CDH2: variants seen among roughly 807,000 people sequenced by gnomAD.
The protein encoded by CDH2 is cadherin-2.
CDH2 carries 17 observed loss-of-function variants against 92.0 expected under a neutral mutation model. The ratio of observed to expected loss-of-function variants is 0.18; its 90% confidence interval spans 0.13 to 0.28. The LOEUF (loss-of-function observed/expected upper bound fraction) is 0.28, where lower values mean the gene tolerates loss of function less well. CDH2 is among the 10% of genes least tolerant of loss of function. The probability of loss-of-function intolerance (pLI) is 1.00; values close to 1 mark genes in which losing one functional copy is unlikely to be tolerated. For synonymous variants in CDH2, 419 were observed against 415.9 expected (o/e 1.01, Z -0.09); for missense variants, 862 against 1,133.1 (o/e 0.76, Z 3.44).
chr18:27,940,754 G>A (rs1909115819), intron 6 of CDH2, among the ~76,000 whole-genome samples: 1 of 152,116 alleles, frequency 6.6e-6, no homozygotes, highest in Admixed American at 6.5e-5. Flanking sequence ...AACAGTAAAA[G>A]ACAGTATCCT....
chr18:28,109,754 T>C (rs1313295804), intron 2 of CDH2, among the ~76,000 whole-genome samples: 1 of 152,196 alleles, frequency 6.6e-6, no homozygotes, highest in Non-Finnish European at 1.5e-5. Context: ...TTTTAAAAAT[T>C]CCACGTCCAG....
chr18:27,974,914 G>C (rs1171574372), intron 14 of CDH2, among the ~76,000 whole-genome samples: 1 of 152,132 alleles, frequency 6.6e-6, no homozygotes, highest in African/African-American at 2.4e-5. Context: ...AAGCTACACA[G>C]TTTATGAAAT....
At chr18:28,138,803 C>T (rs2015905814) in intron 2 of CDH2, among the ~76,000 whole-genome samples, 1 of 151,984 alleles carries the variant, frequency 6.6e-6, no homozygotes, top group Non-Finnish European at 1.5e-5. Context: ...TGTGTGACGC[C>T]AAAGTCACCA....
chr18:27,938,917 G>T (rs1397893172), intron 6 of CDH2, among the ~76,000 whole-genome samples: 8 of 152,160 alleles, frequency 5.3e-5, no homozygotes, highest in Admixed American at 4.6e-4. Flanking sequence ...GAATTCAAAT[G>T]TTCAAATGGT....
intron 2 of CDH2, among the ~76,000 whole-genome samples, chr18:28,056,241 C>T (rs555731865): frequency 2.0e-5 from 3 of 152,072 alleles, no homozygotes; most frequent in Non-Finnish European, 2.9e-5. Context: ...ACCAAGCTGG[C>T]TAAAATTAGA....
At chr18:27,963,911 A>G (rs1182358808) in intron 14 of CDH2, among the ~76,000 whole-genome samples, 2 of 152,098 alleles carry the variant, frequency 1.3e-5, no homozygotes, top group East Asian at 3.9e-4. Flanking sequence ...CCTTTTCCCT[A>G]AAGGAAGGCA....
intron 1 of CDH2, among the ~76,000 whole-genome samples, chr18:28,164,209 G>C (rs1346520150): frequency 6.6e-6 from 1 of 152,048 alleles, no homozygotes; most frequent in East Asian, 1.9e-4. Flanking sequence ...ATCAAACCTA[G>C]ATACACAGGC....
At chr18:28,147,611 A>G (rs2016055791) in intron 2 of CDH2, 62 bp downstream of exon 2, 2 of 1,025,298 alleles carry the variant, frequency 2.0e-6, no homozygotes, top group East Asian at 2.4e-5. Flanking sequence ...GGCTTTTTTA[A>G]TGGCTAATTT....
intron 4 of CDH2, among the ~76,000 whole-genome samples, chr18:28,010,841 G>A (rs554365302): frequency 2.4e-4 from 37 of 151,782 alleles, no homozygotes; most frequent in South Asian, 1.5e-3. Context: ...TAGTACAGAC[G>A]GGGTTTCATC....
At chr18:28,042,032 T>C (rs1215037586) in intron 2 of CDH2, among the ~76,000 whole-genome samples, 1 of 152,138 alleles carries the variant, frequency 6.6e-6, no homozygotes, top group Non-Finnish European at 1.5e-5. Flanking sequence ...ATCATCACCA[T>C]AAAAACAGCA....
intron 14 of CDH2, among the ~76,000 whole-genome samples, chr18:27,971,308 CTTT>C (rs60035433): frequency 1.7e-5 from 2 of 114,462 alleles, no homozygotes; most frequent in Admixed American, 8.8e-5. Flanking sequence ...CATGTCAGTT[CTTT>C]TTTTTTTTTT....
chr18:28,050,694 G>T (rs1355828473), intron 2 of CDH2, among the ~76,000 whole-genome samples: 1 of 152,068 alleles, frequency 6.6e-6, no homozygotes, highest in Non-Finnish European at 1.5e-5. Flanking sequence ...TTTCACTTTT[G>T]TTGCTCTGCA....
intron 2 of CDH2, among the ~76,000 whole-genome samples, chr18:28,106,231 A>G (rs1484725617): frequency 6.8e-6 from 1 of 146,728 alleles, no homozygotes; most frequent in African/African-American, 2.5e-5. Flanking sequence ...AGCCTGGCCA[A>G]CATGGCAAAA....
intron 1 of CDH2, 33 bp downstream of exon 1, chr18:28,176,930 C>G: frequency 8.0e-7 from 1 of 1,246,530 alleles, no homozygotes. Context: ...CCCCACCCCG[C>G]CCGTGGCCCG....
At chr18:28,119,623 G>C (rs2015553474) in intron 2 of CDH2, among the ~76,000 whole-genome samples, 1 of 152,082 alleles carries the variant, frequency 6.6e-6, no homozygotes, top group Non-Finnish European at 1.5e-5. Flanking sequence ...ATATATGTCT[G>C]CTATTTATAT....
At chr18:28,054,043 G>A (rs1209031848) in intron 2 of CDH2, among the ~76,000 whole-genome samples, 2 of 152,158 alleles carry the variant, frequency 1.3e-5, no homozygotes, top group Admixed American at 1.3e-4. Flanking sequence ...AGTCTGTGCT[G>A]TGAGAGAGCA....
In CDH2 at chr18:27,935,951, T is replaced by A. The variant is rs984301409; in HGVS notation, c.1152-2827A>T. On this transcript the variant is annotated intron_variant, in intron 6 of 6. Transcript: ENST00000675173. ...CTTTTAAGAAGGCTTCACTAAAACT[T>A]GCACTCATTGATTTATGTGAATTGC... 2.0e-5 allele frequency among the ~76,000 whole-genome samples: 3 copies of A among 152,332 alleles called. No homozygotes were observed. The South Asian group carries it at 6.2e-4, about 32-fold the overall frequency.
At chr18:27,950,150 T>C (rs1909378572), downstream of CDH2, among the ~76,000 whole-genome samples, 1 of 152,110 alleles carries the variant, frequency 6.6e-6, no homozygotes, top group Non-Finnish European at 1.5e-5. Flanking sequence ...AACAAGAAAG[T>C]ATTGCCTACA....
intron 2 of CDH2, among the ~76,000 whole-genome samples, chr18:28,015,239 T>C (rs1284643621): frequency 6.6e-6 from 1 of 152,320 alleles, no homozygotes; most frequent in South Asian, 2.1e-4. Flanking sequence ...AAATCCTTGA[T>C]AGAAGTCATA....
Sources: gnomAD v4.1 joint callset for allele counts (sites outside exome capture counted in the v4.1 genomes callset) on GRCh38, gnomAD v4.1.1 for gene constraint, MANE v1.5 for transcripts, NCBI Gene and HGNC (gene_info 2026-07-23, HGNC 2026-07-21) for gene names.